The following SI variants were observed in gnomAD, a reference collection of about 807,000 sequenced individuals.
The protein encoded by SI is sucrase-isomaltase.
In SI, 235 loss-of-function variants were observed where a neutral mutation model predicts 253.3. That is an observed-to-expected ratio of 0.93 (90% confidence interval 0.83 to 1.03). The LOEUF (loss-of-function observed/expected upper bound fraction) is 1.03. Ranked by LOEUF, SI falls within the 50% of genes least tolerant of loss-of-function variation. The pLI is 0.00. For missense variants in SI, 2,442 were observed against 2,211.1 expected (o/e 1.10, Z -2.09); for synonymous variants, 819 against 712.0 (o/e 1.15, Z -2.39).
intron 40 of SI, among the ~76,000 whole-genome samples, chr3:164,996,263 T>C (rs1195369975): frequency 6.6e-6 from 1 of 151,766 alleles, no homozygotes; most frequent in Non-Finnish European, 1.5e-5. Context: ...ATTTTGCTAA[T>C]TTATCATTTT....
At chr3:164,988,908 G>C (rs149960957) in intron 44 of SI, among the ~76,000 whole-genome samples, 83 of 152,064 alleles carry the variant, frequency 5.5e-4, no homozygotes, top group African/African-American at 1.9e-3. Context: ...GAAGGGCCTG[G>C]CCAGACAATC....
chr3:165,038,139 G>T, intron 20 of SI, 115 bp from the exon 21 acceptor site: 1 of 906,252 alleles, frequency 1.1e-6, no homozygotes, highest in Non-Finnish European at 1.7e-6. Context: ...AAATGAATAC[G>T]AATATATTGT....
At chr3:165,038,235 C>T (rs1008645698) in intron 20 of SI, among the ~76,000 whole-genome samples, 4 of 149,838 alleles carry the variant, frequency 2.7e-5, no homozygotes, top group African/African-American at 7.5e-5. Context: ...ATAAAAAAAT[C>T]AACAAAAAGA....
intron 37 of SI, among the ~76,000 whole-genome samples, chr3:165,005,526 A>C (rs1160556500): frequency 2.6e-5 from 4 of 152,102 alleles, no homozygotes; most frequent in Non-Finnish European, 5.9e-5. Context: ...GAAAATCTCC[A>C]AGTGATTATA....
At chr3:164,993,149 TC>T (rs1454796039) in intron 41 of SI, among the ~76,000 whole-genome samples, 1 of 151,720 alleles carries the variant, frequency 6.6e-6, no homozygotes, top group Non-Finnish European at 1.5e-5. Flanking sequence ...CGAGGTAATC[TC>T]AATAGAACAA....
chr3:165,026,630 C>T (rs542400126), intron 25 of SI, among the ~76,000 whole-genome samples: 80 of 151,288 alleles, frequency 5.3e-4, no homozygotes, highest in Non-Finnish European at 8.2e-4. Flanking sequence ...CTCTCTGAGA[C>T]CACAGTAAAA....
At chr3:165,014,935 CTT>C (rs1383109315) in intron 33 of SI, among the ~76,000 whole-genome samples, 186 bp downstream of exon 33, 2 of 152,014 alleles carry the variant, frequency 1.3e-5, no homozygotes, top group South Asian at 2.1e-4. Context: ...GGACATGTGA[CTT>C]ATATGAATTC....
In SI at chr3:165,021,334, A is replaced by T. The variant is rs754939532; in HGVS notation, c.3149T>A (p.Ile1050Asn). ...ATAAGTACTTATTGGGGTGGTTGGA[A>T]TGTTTAACGGTACTGGTACTTCATA... ...KRYEVPVPLN[I>N]PTTPISTYED... The change falls in exon 27 of 48, where the codon ATT (isoleucine) becomes AAT (asparagine). Residue 1050 changes from isoleucine (I) to asparagine (N), a missense_variant. Transcript: ENST00000264382. The T allele has an allele frequency of 1.1e-5, 18 of 1,610,966 alleles. No homozygotes were observed. The highest frequency in any genetic ancestry group is 1.6e-4 in the Middle Eastern group (1 of 6,068).
intron 38 of SI, among the ~76,000 whole-genome samples, chr3:164,998,051 G>A (rs1047682756): frequency 6.6e-6 from 1 of 151,674 alleles, no homozygotes; most frequent in African/African-American, 2.4e-5. Context: ...AACCACTAAT[G>A]GGATTTTGGG....
chr3:165,049,062 T>C (rs1713290593), intron 15 of SI, 65 bp downstream of exon 15: 1 of 945,556 alleles, frequency 1.1e-6, no homozygotes, highest in Non-Finnish European at 1.8e-6. Context: ...AATACATTGA[T>C]AAATTATCAA....
chr3:165,012,858 C>G, intron 34 of SI, 122 bp downstream of exon 34: 1 of 758,090 alleles, frequency 1.3e-6, no homozygotes, highest in Non-Finnish European at 2.4e-6. Context: ...GGTCTGATAT[C>G]GATAATTTAA....
chr3:165,006,405 T>C (rs1345415761), intron 37 of SI, among the ~76,000 whole-genome samples: 2 of 152,186 alleles, frequency 1.3e-5, no homozygotes, highest in South Asian at 2.1e-4. Flanking sequence ...CCACTGTGCC[T>C]GGGCTGACAA....
intron 31 of SI, among the ~76,000 whole-genome samples, chr3:165,017,148 A>G (rs952150492): frequency 3.3e-5 from 5 of 151,906 alleles, no homozygotes; most frequent in African/African-American, 9.7e-5. Context: ...CAGGGCAAAA[A>G]AAAAATTAGT....
chr3:165,047,195 G>T (rs1025977323), intron 15 of SI, among the ~76,000 whole-genome samples, 183 bp from the exon 16 acceptor site: 3 of 152,046 alleles, frequency 2.0e-5, no homozygotes, highest in African/African-American at 7.2e-5. Flanking sequence ...GATGGGAGAT[G>T]ATTGAATTAT....
At chr3:165,030,905 A>C (rs776237211) in intron 24 of SI, 38 bp from the exon 25 acceptor site, 1 of 1,531,512 alleles carries the variant, frequency 6.5e-7, no homozygotes. Context: ...AAAAGAAAAA[A>C]AAAACACAAA....
Position 165,015,991 on chromosome 3 carries a change from G to T in SI, c.3849C>A (p.Asp1283Glu), listed in dbSNP as rs1719007171. 3.7e-6 allele frequency: 6 copies of T among 1,611,032 alleles called. No individual in the cohort carries two copies. The highest frequency in any genetic ancestry group is 5.1e-6 in the Non-Finnish European group (6 of 1,177,612). ...ATCTCATTCCTTCTCCTCTTATTTT[G>T]TCAACAAACTGAGGAAGGTCCTGGA... ...EAFQDLPQFV[D>E]KIRGEGMRYI... Residue 1283 changes from aspartate (D) to glutamate (E), a missense_variant, in exon 32 of 48, where the codon GAC becomes GAA. Transcript: ENST00000264382.
chr3:165,008,851 T>C (rs934024354), intron 35 of SI, among the ~76,000 whole-genome samples: 4 of 151,830 alleles, frequency 2.6e-5, no homozygotes, highest in African/African-American at 9.7e-5. Flanking sequence ...TAAAAAAATA[T>C]ATTATTAAAA....
chr3:164,982,211 G>T, intron 47 of SI, 32 bp downstream of exon 47: 5 of 1,574,612 alleles, frequency 3.2e-6, no homozygotes, highest in East Asian at 2.3e-5. Context: ...AAATACGTAC[G>T]CTTTTGAAAA....
At chr3:165,029,811 G>A (rs751724302) in intron 25 of SI, among the ~76,000 whole-genome samples, 82 of 150,320 alleles carry the variant, frequency 5.5e-4, no homozygotes, top group African/African-American at 1.7e-3. Context: ...TGGCTGAAAA[G>A]AGGCAACTTA....
Sources: allele counts gnomAD v4.1 joint callset (sites outside exome capture counted in the v4.1 genomes callset), GRCh38; gene constraint gnomAD v4.1.1; transcripts MANE v1.5; gene names NCBI Gene and HGNC (gene_info 2026-07-23, HGNC 2026-07-21).